Variants in INPP4B observed in about 807,000 individuals in gnomAD.
The protein encoded by INPP4B is inositol polyphosphate-4-phosphatase type II B, also known as inositol polyphosphate 4-phosphatase type II.
Under a neutral mutation model 122.5 loss-of-function variants are expected in INPP4B, and 55 were observed. The ratio of observed to expected loss-of-function variants is 0.45; its 90% CI spans 0.36 to 0.56. The LOEUF (loss-of-function observed/expected upper bound fraction) is 0.56. INPP4B is among the 20% of genes least tolerant of loss of function. The pLI, the probability that INPP4B is intolerant of heterozygous loss-of-function variation, is 0.00. For synonymous variants in INPP4B, 403 were observed against 388.7 expected (o/e 1.04, Z -0.43); for missense variants, 1,000 against 1,097.7 (o/e 0.91, Z 1.26).
rs1045664894 is a variant in INPP4B, at chr4:142,619,048, A to T, written c.-191+106791T>A. 7.2e-5 allele frequency among the ~76,000 whole-genome samples: 11 copies of T among 152,040 alleles called. No individual in the cohort carries two copies. The South Asian group carries it at 1.0e-3, about 14-fold the overall frequency. On this transcript the variant is annotated intron_variant, in intron 2 of 25. Transcript: ENST00000262992. ...CAACACCACATTGAGATGTCACCTTACACCTCTTAAGATGGTTTTTATCGA... is the reference window on the plus strand; with the variant it reads ...CAACACCACATTGAGATGTCACCTTTCACCTCTTAAGATGGTTTTTATCGA...
At chr4:142,520,156 C>G (rs775019491) in intron 2 of INPP4B, among the ~76,000 whole-genome samples, 1 of 151,808 alleles carries the variant, frequency 6.6e-6, no homozygotes, top group Non-Finnish European at 1.5e-5. Context: ...GCTTTTAGAG[C>G]GGCATGAATT....
chr4:142,182,514 C>A (rs1367742547), intron 15 of INPP4B, among the ~76,000 whole-genome samples: 1 of 131,988 alleles, frequency 7.6e-6, no homozygotes, highest in African/African-American at 2.8e-5. Flanking sequence ...CGCCGCTGCA[C>A]TCCAGCCTGG....
intron 1 of INPP4B, among the ~76,000 whole-genome samples, chr4:142,830,336 T>C (rs758455323): frequency 4.6e-5 from 7 of 152,148 alleles, no homozygotes; most frequent in Non-Finnish European, 1.0e-4. Flanking sequence ...ACCTATGAAA[T>C]GTAATACGAA....
At chr4:142,720,712 G>A in intron 2 of INPP4B, among the ~76,000 whole-genome samples, 1 of 99,262 alleles carries the variant, frequency 1.0e-5, no homozygotes, top group Non-Finnish European at 2.0e-5. Flanking sequence ...ACAGCCAACT[G>A]TATATGTGTA....
chr4:142,815,713 T>A (rs1241374438), intron 1 of INPP4B, among the ~76,000 whole-genome samples: 3 of 152,154 alleles, frequency 2.0e-5, no homozygotes, highest in Admixed American at 2.0e-4. Flanking sequence ...TCCATATATA[T>A]TTTTATAAGT....
chr4:142,307,158 C>A (rs1228967712), intron 8 of INPP4B, among the ~76,000 whole-genome samples: 1 of 152,096 alleles, frequency 6.6e-6, no homozygotes. Flanking sequence ...GCTGTATCAG[C>A]AAAGCATGCA....
At chr4:142,494,308 C>T (rs544206044) in intron 2 of INPP4B, among the ~76,000 whole-genome samples, 2 of 152,106 alleles carry the variant, frequency 1.3e-5, no homozygotes, top group African/African-American at 2.4e-5. Flanking sequence ...TATTAATGTG[C>T]TGTTCTTGCC....
intron 25 of INPP4B, among the ~76,000 whole-genome samples, chr4:142,031,709 A>G (rs1249559917): frequency 6.6e-6 from 1 of 152,174 alleles, no homozygotes; most frequent in East Asian, 1.9e-4. Flanking sequence ...TATTTTAGGC[A>G]TTGATATTTT....
At chr4:142,433,546 A>G (rs981215713) in intron 3 of INPP4B, among the ~76,000 whole-genome samples, 1 of 152,220 alleles carries the variant, frequency 6.6e-6, no homozygotes, top group Non-Finnish European at 1.5e-5. Context: ...GATATTTGTT[A>G]ATATTTTGTA....
At chr4:142,060,462 A>T (rs1489063107) in intron 25 of INPP4B, among the ~76,000 whole-genome samples, 1 of 152,226 alleles carries the variant, frequency 6.6e-6, no homozygotes, top group African/African-American at 2.4e-5. Context: ...ACACAGTGAG[A>T]CAAAGTTCCT....
At chr4:142,416,926 T>A (rs1190725879) in intron 5 of INPP4B, among the ~76,000 whole-genome samples, 2 of 152,114 alleles carry the variant, frequency 1.3e-5, no homozygotes, top group Non-Finnish European at 2.9e-5. Context: ...AGGAGGAGTT[T>A]ATAAGTGAGA....
At chr4:142,109,493 C>T (rs572774006) in intron 22 of INPP4B, among the ~76,000 whole-genome samples, 1 of 152,238 alleles carries the variant, frequency 6.6e-6, no homozygotes, top group South Asian at 2.1e-4. Context: ...TCTAAGTTTC[C>T]ACAAAGGCTT....
At chr4:142,108,515 G>C (rs536393091) in intron 22 of INPP4B, among the ~76,000 whole-genome samples, 1 of 152,254 alleles carries the variant, frequency 6.6e-6, no homozygotes, top group South Asian at 2.1e-4. Context: ...CTCTGTGGCA[G>C]GGCTACATCC....
intron 7 of INPP4B, among the ~76,000 whole-genome samples, chr4:142,399,942 T>C (rs908487869): frequency 6.0e-5 from 9 of 150,910 alleles, no homozygotes; most frequent in African/African-American, 1.5e-4. Context: ...AAGGAAACAA[T>C]AGTTATGCTG....
intron 2 of INPP4B, among the ~76,000 whole-genome samples, chr4:142,660,076 C>T (rs1329356551): frequency 6.6e-6 from 1 of 152,186 alleles, no homozygotes; most frequent in African/African-American, 2.4e-5. Flanking sequence ...ATAAAGACCA[C>T]GTTAATATCC....
intron 1 of INPP4B, among the ~76,000 whole-genome samples, chr4:142,835,988 T>C (rs56330901): frequency 0.017 from 2,552 of 152,172 alleles, 67 homozygotes; most frequent in African/African-American, 0.058. Context: ...TTAGTCTTTT[T>C]GAAGAGTGAA....
At chr4:142,031,419 G>T (rs1156538065) in intron 25 of INPP4B, among the ~76,000 whole-genome samples, 1 of 152,180 alleles carries the variant, frequency 6.6e-6, no homozygotes, top group Non-Finnish European at 1.5e-5. Context: ...GACCACACCA[G>T]TGTCAGCATT....
chr4:142,764,562 A>G (rs1392164936), intron 1 of INPP4B, among the ~76,000 whole-genome samples: 1 of 152,194 alleles, frequency 6.6e-6, no homozygotes, highest in Admixed American at 6.5e-5. Context: ...TGACAAGAAC[A>G]AAGAGAAACC....
intron 3 of INPP4B, among the ~76,000 whole-genome samples, chr4:142,432,179 A>C (rs1008775434): frequency 2.6e-5 from 4 of 152,114 alleles, no homozygotes; most frequent in African/African-American, 9.7e-5. Flanking sequence ...TTAAAAAATC[A>C]ATGTTGTTTT....
Sources: allele counts gnomAD v4.1 joint callset (sites outside exome capture counted in the v4.1 genomes callset), GRCh38; gene constraint gnomAD v4.1.1; transcripts MANE v1.5; gene names NCBI Gene and HGNC (gene_info 2026-07-23, HGNC 2026-07-21).